KIFC3: variants seen among roughly 807,000 people sequenced by gnomAD.
The protein encoded by KIFC3 is kinesin family member C3.
A neutral mutation model predicts 101.8 loss-of-function variants in KIFC3; 60 were observed. That is an observed-to-expected ratio of 0.59 (90% confidence interval 0.48 to 0.73). The LOEUF is 0.73. Ranked by LOEUF, KIFC3 falls within the 30% of genes least tolerant of loss-of-function variation. The probability of loss-of-function intolerance (pLI) is 0.00; values close to 1 mark genes in which losing one functional copy is unlikely to be tolerated. For missense variants in KIFC3, 966 were observed against 1,137.1 expected, an observed-to-expected ratio of 0.85 and a Z score of 2.16; for synonymous variants, 476 against 482.7, an observed-to-expected ratio of 0.99 and a Z score of 0.18.
At chr16:57,810,819 G>C (rs2055053568) in intron 1 of KIFC3, 1 of 441,666 alleles carries the variant, frequency 2.3e-6, no homozygotes, top group Non-Finnish European at 3.0e-6. Flanking sequence ...CAGATGGAGA[G>C]ACTGAGGCCA....
chr16:57,852,748 C>A (rs2056082927), intron 1 of KIFC3, among the ~76,000 whole-genome samples: 1 of 54,024 alleles, frequency 1.9e-5, no homozygotes, highest in South Asian at 6.8e-4. Context: ...AAAAATTGTT[C>A]TGTAAGCTCC....
chr16:57,823,312 C>T (rs1206084850), intron 1 of KIFC3, among the ~76,000 whole-genome samples: 1 of 152,146 alleles, frequency 6.6e-6, no homozygotes, highest in Middle Eastern at 3.2e-3. Context: ...CACCACTCTT[C>T]CAGATGGAAC....
intron 4 of KIFC3, among the ~76,000 whole-genome samples, chr16:57,771,976 G>A (rs1486089587): frequency 6.6e-6 from 1 of 152,156 alleles, no homozygotes; most frequent in African/African-American, 2.4e-5. Flanking sequence ...CACAAGGAGA[G>A]ACATATTTAT....
chr16:57,857,437 T>G (rs1246453318), intron 1 of KIFC3, among the ~76,000 whole-genome samples: 4 of 151,674 alleles, frequency 2.6e-5, no homozygotes, highest in African/African-American at 7.3e-5. Flanking sequence ...GGGATACATG[T>G]GCAGAACATG....
rs782554263 is a variant in KIFC3 at position 57,766,856 on chromosome 16, C to A, written c.1330+18G>T. 1.1e-5 allele frequency: 18 copies of A among 1,594,200 alleles called. No homozygotes were observed. Among genetic ancestry groups the A allele is most frequent in the Non-Finnish European group, 1.5e-5 (17 of 1,170,242 alleles). On this transcript the variant is annotated intron_variant, in intron 10 of 19. Transcript: ENST00000445690. ...GGACCCCGAGGCCAGCGCCCACCCC[C>A]AGCCCTCCTGCAGTCACCTTTCAGC...
chr16:57,806,909 T>C (rs535079732), upstream of KIFC3, among the ~76,000 whole-genome samples: 9 of 152,336 alleles, frequency 5.9e-5, no homozygotes, highest in South Asian at 1.0e-3. Context: ...TCATTCATCA[T>C]GAGCACCGCA....
At chr16:57,800,903 A>G (rs981151035) in intron 1 of KIFC3, among the ~76,000 whole-genome samples, 1 of 152,142 alleles carries the variant, frequency 6.6e-6, no homozygotes, top group Non-Finnish European at 1.5e-5. Flanking sequence ...GGGGGAGGGC[A>G]GTGGGACTGG....
chr16:57,774,523 ATTT>A (rs201606601), intron 3 of KIFC3, among the ~76,000 whole-genome samples: 2 of 146,960 alleles, frequency 1.4e-5, no homozygotes, highest in East Asian at 2.0e-4. Flanking sequence ...CTTTTCAGTA[ATTT>A]TTTTTTTTCT....
chr16:57,759,264 T>C, intron 18 of KIFC3, 111 bp from the exon 19 acceptor site: 1 of 1,296,590 alleles, frequency 7.7e-7, no homozygotes, highest in Non-Finnish European at 1.1e-6. Context: ...GGCCCTCCCA[T>C]GATCTGGGCT....
intron 1 of KIFC3, among the ~76,000 whole-genome samples, chr16:57,818,849 G>A (rs1264069780): frequency 1.3e-5 from 2 of 152,202 alleles, no homozygotes; most frequent in African/African-American, 4.8e-5. Flanking sequence ...AAAACATATT[G>A]TAAACCTGCT....
At chr16:57,759,886 C>T in intron 17 of KIFC3, 50 bp from the exon 18 acceptor site, 2 of 1,420,642 alleles carry the variant, frequency 1.4e-6, no homozygotes, top group South Asian at 2.5e-5. Flanking sequence ...GCCCTGGCTC[C>T]CCACCCTGCT....
chr16:57,822,562 C>T (rs184312967), intron 1 of KIFC3, among the ~76,000 whole-genome samples: 1 of 152,050 alleles, frequency 6.6e-6, no homozygotes, highest in Admixed American at 6.6e-5. Context: ...CTGGGTGTGG[C>T]AGCGGGCACC....
At chr16:57,803,135 T>TA (rs2054843774), upstream of KIFC3, 2 of 1,072,612 alleles carry the variant, frequency 1.9e-6, no homozygotes, top group South Asian at 1.3e-5. Context: ...AGCAAATGAA[T>TA]ATCTTCCCAG....
At chr16:57,782,897 G>A (rs2052889794) in intron 3 of KIFC3, among the ~76,000 whole-genome samples, 1 of 152,234 alleles carries the variant, frequency 6.6e-6, no homozygotes, top group Non-Finnish European at 1.5e-5. Flanking sequence ...AGTGAGCCGA[G>A]ATTGCGCCAT....
In KIFC3 at chr16:57,802,060, G is replaced by A. The variant is rs2054761344; in HGVS notation, c.-40+310C>T. 6.6e-6 allele frequency among the ~76,000 whole-genome samples: 1 copy of A among 152,240 alleles called. No homozygotes were observed. Among genetic ancestry groups the A allele is most frequent in the African/African-American group, 2.4e-5 (1 of 41,476 alleles). On this transcript the variant is annotated intron_variant, in intron 1 of 19. Transcript: ENST00000445690. The surrounding 1 kb of genome is among the most constrained non-coding windows in gnomAD (Gnocchi z 5.0). ...GGGAGAGGGCGGCGCCGATTGACAAGCCCATCCCGGGTAGGGTCTGCGCTC... is the reference window on the plus strand; with the variant it reads ...GGGAGAGGGCGGCGCCGATTGACAAACCCATCCCGGGTAGGGTCTGCGCTC...
At chr16:57,772,369 G>T in intron 3 of KIFC3, 81 bp from the exon 4 acceptor site, 1 of 1,195,860 alleles carries the variant, frequency 8.4e-7, no homozygotes, top group Non-Finnish European at 1.2e-6. Flanking sequence ...CAGCACCAGG[G>T]ATGACTGATG....
At chr16:57,855,962 C>CAA (rs2056156793) in intron 1 of KIFC3, among the ~76,000 whole-genome samples, 1 of 141,906 alleles carries the variant, frequency 7.0e-6, no homozygotes, top group Admixed American at 7.1e-5. Context: ...AAAAAAAAAC[C>CAA]AAAAACAAAA....
rs782066289 is a variant in KIFC3, at chr16:57,760,763, G to T, written c.2195C>A (p.Ser732Ter). 1 of 1,613,730 alleles carries T rather than the reference G, an allele frequency of 6.2e-7. No homozygotes were observed. Among genetic ancestry groups the T allele is most frequent in the Non-Finnish European group, 8.5e-7 (1 of 1,180,008 alleles). Reference sequence around the variant, plus strand: ...GAGGGTCTTGCTGTCACCACTAAGCGAATCCTGCAGCAGGTAGGTGAGCTT... The same window carrying T: ...GAGGGTCTTGCTGTCACCACTAAGCTAATCCTGCAGCAGGTAGGTGAGCTT... ...NSKLTYLLQD[S>*]LSGDSKTLMV... The change falls in exon 16 of 20, where the codon TCG (serine) becomes TAG (stop). Residue 732 changes from serine (S) to a stop codon, truncating the protein, a stop_gained. Coordinates refer to ENST00000445690, the MANE Select transcript of KIFC3 (RefSeq NM_001130100.2). LOFTEE classifies it high-confidence loss of function.
chr16:57,779,390 G>A (rs2052469133), intron 3 of KIFC3: 1 of 152,234 alleles, frequency 6.6e-6, no homozygotes, highest in South Asian at 2.1e-4. Context: ...GAGACAGATG[G>A]CGAATGAGGA....
Sources: gnomAD v4.1 joint callset for allele counts (sites outside exome capture counted in the v4.1 genomes callset) on GRCh38, gnomAD v4.1.1 for gene constraint, Gnocchi (gnomAD v3.1) non-coding constraint, MANE v1.5 for transcripts, NCBI Gene and HGNC (gene_info 2026-07-23, HGNC 2026-07-21) for gene names.